MERTK: variants seen among roughly 807,000 people sequenced by gnomAD.
MERTK encodes tyrosine-protein kinase Mer.
In MERTK, 69 loss-of-function variants were observed where a neutral mutation model predicts 99.3. The observed-to-expected ratio is 0.70, with a 90% confidence interval of 0.57 to 0.85. MERTK has a LOEUF of 0.85. MERTK is among the 40% of genes least tolerant of loss of function. MERTK has a pLI of 0.00. For missense variants in MERTK, 1,125 were observed against 1,249.4 expected (o/e 0.90, Z 1.50); for synonymous variants, 426 against 467.6 (o/e 0.91, Z 1.15).
chr2:112,016,444 C>T lies in MERTK; in HGVS notation c.2080-2969C>T, dbSNP rs528096628. Among the ~76,000 whole-genome samples the T allele has an allele frequency of 9.8e-5, 15 of 152,306 alleles. No homozygotes were observed. In the South Asian group the frequency reaches 1.4e-3, roughly 15 times the overall value. On this transcript the variant is annotated intron_variant, in intron 15 of 18. Coordinates refer to ENST00000295408, the MANE Select transcript of MERTK (RefSeq NM_006343.3). Reference sequence around the variant, plus strand: ...CAAACAGAAAAATCAAGCTTTTATTCAGATCTTTTCTTTGCTGCCTGGAAT... The same window carrying T: ...CAAACAGAAAAATCAAGCTTTTATTTAGATCTTTTCTTTGCTGCCTGGAAT...
At chr2:111,936,203 A>G (rs1684762618) in intron 2 of MERTK, among the ~76,000 whole-genome samples, 2 of 152,134 alleles carry the variant, frequency 1.3e-5, no homozygotes, top group Admixed American at 6.6e-5. Flanking sequence ...GGCATGAGCC[A>G]CTGCGCCCGG....
intron 2 of MERTK, among the ~76,000 whole-genome samples, chr2:111,933,091 C>A (rs1684702850): frequency 6.6e-6 from 1 of 152,206 alleles, no homozygotes; most frequent in African/African-American, 2.4e-5. Context: ...TCAATAGTTA[C>A]TTAATCAAGA....
chr2:112,024,450 G>A (rs543116852), intron 18 of MERTK, among the ~76,000 whole-genome samples: 2 of 152,230 alleles, frequency 1.3e-5, no homozygotes, highest in Non-Finnish European at 2.9e-5. Context: ...AGAGAGGGGC[G>A]AACCTGCCAC....
intron 18 of MERTK, among the ~76,000 whole-genome samples, chr2:112,023,710 G>A (rs756614983): frequency 2.0e-5 from 3 of 152,164 alleles, no homozygotes; most frequent in African/African-American, 4.8e-5. Context: ...TGGTGATGGT[G>A]ATTTGAACCT....
chr2:111,974,769 C>CAAA (rs35594851), intron 6 of MERTK, among the ~76,000 whole-genome samples: 912 of 52,912 alleles, frequency 0.017, 38 homozygotes, highest in African/African-American at 0.046. Context: ...AGGTCCATCT[C>CAAA]AAAAAAAAAA....
intron 7 of MERTK, among the ~76,000 whole-genome samples, chr2:111,975,718 C>T (rs1676233527): frequency 6.6e-6 from 1 of 152,194 alleles, no homozygotes; most frequent in Non-Finnish European, 1.5e-5. Context: ...ATAATAGCAG[C>T]ACACTTTAAA....
rs1406027678 is a variant in MERTK, at chr2:111,994,313, C to T, written c.1359C>T (p.His453=). The change falls in exon 9 of 19, where the codon CAC becomes CAT. Residue 453 remains histidine, a synonymous_variant. Coordinates refer to ENST00000295408, the MANE Select transcript of MERTK (RefSeq NM_006343.3). ...GAGCTCGGATCTCTGTTCAAGTCCA[C>T]AATGCTACGTGCACAGTGAGGATTG... ...GSRARISVQV[H]NATCTVRIAA... is the part of the protein sequence containing the mutation. 6.2e-7 allele frequency: 1 copy of T among 1,614,190 alleles called. No individual in the cohort carries two copies. Among genetic ancestry groups the T allele is most frequent in the Non-Finnish European group, 8.5e-7 (1 of 1,180,044 alleles).
intron 2 of MERTK, among the ~76,000 whole-genome samples, chr2:111,934,556 T>A (rs1418094527): frequency 1.3e-5 from 2 of 152,208 alleles, no homozygotes; most frequent in East Asian, 3.8e-4. Flanking sequence ...TTGCCCACTT[T>A]TTGATGGGGT....
intron 2 of MERTK, among the ~76,000 whole-genome samples, chr2:111,933,285 C>T (rs1684706680): frequency 1.3e-5 from 2 of 152,094 alleles, no homozygotes. Context: ...ATCTCCTGGG[C>T]CCTAAGGAAA....
At chr2:111,915,996 T>C (rs758983538) in intron 1 of MERTK, among the ~76,000 whole-genome samples, 5 of 152,252 alleles carry the variant, frequency 3.3e-5, no homozygotes, top group Non-Finnish European at 5.9e-5. Flanking sequence ...TTAGAGAACA[T>C]AGACTATATG....
chr2:111,936,660 G>A (rs907081066), intron 2 of MERTK, among the ~76,000 whole-genome samples: 2 of 152,156 alleles, frequency 1.3e-5, no homozygotes, highest in Admixed American at 6.5e-5. Flanking sequence ...GAGGTCCCTC[G>A]AGAGCATTCA....
In MERTK at chr2:111,975,369, G is replaced by GCC. The variant is rs748817458; in HGVS notation, c.1042_1043insCC (p.Gln348ProfsTer16). ...CCTTACCACATCTGTACCAAATCAA[G>GCC]CAGCTGCAAGCCCTGGCTAATTACA... On this transcript the variant is annotated frameshift_variant, in exon 7 of 19. Transcript: ENST00000295408. LOFTEE classifies it high-confidence loss of function. 1 of 1,614,178 alleles carries GCC rather than the reference G, an allele frequency of 6.2e-7. No individual in the cohort carries two copies. Among genetic ancestry groups the GCC allele is most frequent in the Non-Finnish European group, 8.5e-7 (1 of 1,180,010 alleles).
chr2:111,976,994 G>C (rs1676267175), intron 7 of MERTK, among the ~76,000 whole-genome samples: 1 of 151,988 alleles, frequency 6.6e-6, no homozygotes, highest in Non-Finnish European at 1.5e-5. Context: ...TTACTTTAAT[G>C]TATCTTAAAA....
intron 1 of MERTK, among the ~76,000 whole-genome samples, chr2:111,909,288 G>A (rs913111620): frequency 7.9e-5 from 12 of 152,228 alleles, no homozygotes; most frequent in African/African-American, 2.6e-4. Context: ...TAATAGAGCC[G>A]GTGCCCTCAT....
chr2:112,008,408 C>G lies in MERTK; in HGVS notation c.1893C>G (p.Ile631Met), dbSNP rs543947091. Residue 631 changes from isoleucine (I) to methionine (M), a missense_variant, in exon 14 of 19, where the codon ATC becomes ATG. Physicochemically the swap from Ile to Met is conservative, Grantham distance 10. Transcript: ENST00000295408. Reference protein sequence around the residue: ...MKLDNSSQREIEEFLSEAACM... With the variant: ...MKLDNSSQREMEEFLSEAACM... The stretch of plus-strand genomic sequence containing the variant: ...TGGACAACTCTTCACAGCGGGAGAT[C>G]GAGGAGTTTCTCAGTGAGGCAGCGT... 2 of 1,613,904 alleles carry G rather than the reference C, an allele frequency of 1.2e-6. No individual in the cohort carries two copies. The highest frequency in any genetic ancestry group is 2.2e-5 in the East Asian group (1 of 44,882).
intron 2 of MERTK, among the ~76,000 whole-genome samples, chr2:111,936,671 C>T (rs1162899106): frequency 1.3e-5 from 2 of 152,154 alleles, no homozygotes; most frequent in Non-Finnish European, 2.9e-5. Flanking sequence ...AGAGCATTCA[C>T]CTGGCCTCCT....
rs1017599113 is a variant in MERTK, at chr2:111,898,791, G to A, written c.56G>A (p.Arg19His). The A allele has an allele frequency of 1.3e-6, 2 of 1,593,600 alleles. No homozygotes were observed. Among genetic ancestry groups the A allele is most frequent in the Admixed American group, 1.7e-5 (1 of 57,456 alleles). ...GGCCTCTTCCTCCCCGCGCTCTGGC[G>A]TAGAGGTGAGTGCGCCCGGCTGGGG... Reference protein sequence around the residue: ...LLGLFLPALWRRAITEAREEA... With the variant: ...LLGLFLPALWHRAITEAREEA... The change falls in exon 1 of 19, where the codon CGT becomes CAT. Residue 19 changes from arginine (R) to histidine (H), a missense_variant. Coordinates refer to ENST00000295408, the MANE Select transcript of MERTK (RefSeq NM_006343.3).
intron 10 of MERTK, among the ~76,000 whole-genome samples, chr2:111,998,918 T>A (rs1246861138): frequency 6.6e-6 from 1 of 152,232 alleles, no homozygotes; most frequent in Non-Finnish European, 1.5e-5. Context: ...TACTACAAGA[T>A]CTATTCATTT....
chr2:112,022,774 G>C (rs149845400), intron 18 of MERTK, among the ~76,000 whole-genome samples: 46 of 152,298 alleles, frequency 3.0e-4, no homozygotes, highest in African/African-American at 1.1e-3. Context: ...TTTTGGTCCA[G>C]TTATCTTTCT....
Sources: allele counts gnomAD v4.1 joint callset (sites outside exome capture counted in the v4.1 genomes callset), GRCh38; gene constraint gnomAD v4.1.1; transcripts MANE v1.5; gene names NCBI Gene and HGNC (gene_info 2026-07-23, HGNC 2026-07-21).